Variants in TENM2 observed in about 807,000 individuals in gnomAD.
The protein encoded by TENM2 is teneurin-2.
Under a neutral mutation model 245.2 loss-of-function variants are expected in TENM2, and 52 were observed. The ratio of observed to expected loss-of-function variants is 0.21; its 90% CI spans 0.17 to 0.27. TENM2 has a LOEUF of 0.27. Among genes scored for constraint, TENM2 ranks in the 10% least tolerant of loss-of-function variants. TENM2 has a pLI of 1.00. For missense variants in TENM2, 3,046 were observed against 3,666.8 expected, an observed-to-expected ratio of 0.83 and a Z score of 4.37; for synonymous variants, 1,363 against 1,438.9, an observed-to-expected ratio of 0.95 and a Z score of 1.19.
intron 2 of TENM2, among the ~76,000 whole-genome samples, chr5:167,717,710 C>T (rs1217629973): frequency 6.6e-6 from 1 of 152,140 alleles, no homozygotes; most frequent in Non-Finnish European, 1.5e-5. Flanking sequence ...ATCAAAGCTG[C>T]ATCGAGAGGC....
intron 2 of TENM2, among the ~76,000 whole-genome samples, chr5:167,785,157 T>G (rs1764486276): frequency 6.6e-6 from 1 of 152,202 alleles, no homozygotes; most frequent in South Asian, 2.1e-4. Context: ...AGATTTGATG[T>G]ACTTGTAGAG....
intron 2 of TENM2, among the ~76,000 whole-genome samples, chr5:167,565,342 A>T (rs991830269): frequency 6.6e-6 from 1 of 152,224 alleles, no homozygotes; most frequent in Non-Finnish European, 1.5e-5. Context: ...TGCCGTGACT[A>T]CACAGCACCC....
the TENM2 span, among the ~76,000 whole-genome samples, chr5:167,124,315 T>A: frequency 1.3e-5 from 2 of 152,258 alleles, no homozygotes; most frequent in Non-Finnish European, 2.9e-5. Context: ...ATCTTCCTAA[T>A]ATTAAACTGT....
chr5:167,259,566 T>TAC, the TENM2 span, among the ~76,000 whole-genome samples: 6 of 152,206 alleles, frequency 3.9e-5, no homozygotes, highest in Admixed American at 3.9e-4. Flanking sequence ...AACCTGAAGA[T>TAC]ACACCTGCTT....
intron 3 of TENM2, among the ~76,000 whole-genome samples, chr5:167,906,566 C>T (rs1307778882): frequency 6.6e-6 from 1 of 152,164 alleles, no homozygotes; most frequent in African/African-American, 2.4e-5. Context: ...CACCTCCTAC[C>T]CACTCTGGCC....
chr5:166,982,594 T>C, the TENM2 span, among the ~76,000 whole-genome samples: 1 of 152,162 alleles, frequency 6.6e-6, no homozygotes, highest in Non-Finnish European at 1.5e-5. Context: ...CTACTTAGCT[T>C]GAAGGGGGCA....
At chr5:167,135,118 G>A in the TENM2 span, among the ~76,000 whole-genome samples, 1 of 152,288 alleles carries the variant, frequency 6.6e-6, no homozygotes, top group East Asian at 1.9e-4. Flanking sequence ...ATAGTTGCCT[G>A]TAATTGTTTC....
intron 2 of TENM2, among the ~76,000 whole-genome samples, chr5:167,836,686 T>C (rs752520193): frequency 3.5e-4 from 54 of 152,244 alleles, no homozygotes; most frequent in Non-Finnish European, 7.5e-4. Context: ...TCATGTACTA[T>C]AGGACTCACA....
rs1765038665 is a variant in TENM2, at chr5:167,444,300, C to CACACACAA, written c.502+68834_502+68835insAACACACA. 7.3e-5 allele frequency among the ~76,000 whole-genome samples: 7 copies of CACACACAA among 95,410 alleles called. No individual in the cohort carries two copies. In the South Asian group the frequency reaches 2.2e-3, roughly 30 times the overall value. The allele number at this position is 95,410 out of a possible 152,430, so 62.6% of individuals were successfully genotyped here. A position where few individuals can be genotyped will look rare whatever the true frequency, so the allele number is the denominator to read the frequency against. On this transcript the variant is annotated intron_variant, in intron 2 of 28. Transcript: ENST00000518659. ...ATGCACACATGCACACATACACATA[C>CACACACAA]ACACACACACACACACACACAATCC...
intron 2 of TENM2, among the ~76,000 whole-genome samples, chr5:167,776,176 C>CACACAG (rs1763757558): frequency 6.6e-6 from 1 of 150,754 alleles, no homozygotes; most frequent in Non-Finnish European, 1.5e-5. Context: ...CACACACACA[C>CACACAG]ACACACACAC....
chr5:167,696,164 G>T (rs1309247729), intron 2 of TENM2, among the ~76,000 whole-genome samples: 1 of 152,138 alleles, frequency 6.6e-6, no homozygotes, highest in African/African-American at 2.4e-5. Flanking sequence ...ATATTTGAAG[G>T]GTTGGTATTT....
intron 2 of TENM2, among the ~76,000 whole-genome samples, chr5:167,874,840 C>G (rs546899279): frequency 6.6e-6 from 1 of 152,154 alleles, no homozygotes; most frequent in African/African-American, 2.4e-5. Flanking sequence ...CACCTTCTGC[C>G]GGACTGGCTG....
Position 167,747,546 on chromosome 5 carries a change from G to C in TENM2, c.503-128440G>C, listed in dbSNP as rs541474601. ...TTGTAATACCTCACGCTGATACTCA[G>C]CTCAAATGTGAATACTTTTGCCACA... is the stretch of plus-strand genomic sequence containing the variant. On this transcript the variant is annotated intron_variant, in intron 2 of 28. Transcript: ENST00000518659. Among the ~76,000 whole-genome samples the C allele has an allele frequency of 1.9e-4, 29 of 152,262 alleles. No individual in the cohort carries two copies. The South Asian group carries it at 4.8e-3, about 25-fold the overall frequency.
At chr5:167,323,886 A>G (rs893661970) in intron 1 of TENM2, among the ~76,000 whole-genome samples, 1 of 152,150 alleles carries the variant, frequency 6.6e-6, no homozygotes, top group African/African-American at 2.4e-5. Flanking sequence ...AACCTCCCCA[A>G]GGCTTACTGA....
At chr5:167,000,766 A>C in the TENM2 span, among the ~76,000 whole-genome samples, 1 of 152,216 alleles carries the variant, frequency 6.6e-6, no homozygotes, top group Non-Finnish European at 1.5e-5. Context: ...TGTGATTTAC[A>C]TGTATCAGAT....
the TENM2 span, among the ~76,000 whole-genome samples, chr5:167,246,445 TG>T: frequency 5.9e-5 from 9 of 152,136 alleles, no homozygotes; most frequent in East Asian, 1.7e-3. Context: ...TATATGTATA[TG>T]TATATAAATA....
At chr5:167,354,511 C>T (rs1759183847) in intron 1 of TENM2, among the ~76,000 whole-genome samples, 1 of 152,190 alleles carries the variant, frequency 6.6e-6, no homozygotes, top group African/African-American at 2.4e-5. Context: ...AACCCTCCCC[C>T]ATCTTCCAGT....
chr5:168,088,497 C>T (rs1792650413), intron 7 of TENM2, among the ~76,000 whole-genome samples: 1 of 152,136 alleles, frequency 6.6e-6, no homozygotes, highest in African/African-American at 2.4e-5. Context: ...CCGTCACCAG[C>T]GCCCCACGTG....
intron 2 of TENM2, among the ~76,000 whole-genome samples, chr5:167,616,734 G>C (rs1258235058): frequency 6.6e-6 from 1 of 152,060 alleles, no homozygotes; most frequent in Non-Finnish European, 1.5e-5. Flanking sequence ...GAAACAAACA[G>C]TGTAATTGTG....
Sources: allele counts gnomAD v4.1 joint callset (sites outside exome capture counted in the v4.1 genomes callset), GRCh38; gene constraint gnomAD v4.1.1; transcripts MANE v1.5; gene names NCBI Gene and HGNC (gene_info 2026-07-23, HGNC 2026-07-21).